Variants in ACACA observed in about 807,000 individuals in gnomAD.
ACACA encodes the protein acetyl-CoA carboxylase 1.
Under a neutral mutation model 296.1 loss-of-function variants are expected in ACACA, and 103 were observed. That is an observed-to-expected ratio of 0.35 (90% CI 0.30 to 0.41). ACACA has a LOEUF of 0.41. Among genes scored for constraint, ACACA ranks in the 10% least tolerant of loss-of-function variants. The probability of loss-of-function intolerance (pLI) is 1.00; values close to 1 mark genes in which losing one functional copy is unlikely to be tolerated. For missense variants in ACACA, 1,554 were observed against 2,989.7 expected (o/e 0.52, Z 11.20); for synonymous variants, 953 against 1,038.6 (o/e 0.92, Z 1.58).
chr17:37,393,649 C>T (rs1207114056), intron 1 of ACACA, among the ~76,000 whole-genome samples: 1 of 152,018 alleles, frequency 6.6e-6, no homozygotes, highest in Non-Finnish European at 1.5e-5. Flanking sequence ...TTGAGACCAG[C>T]CTGGACAACA....
intron 50 of ACACA, among the ~76,000 whole-genome samples, chr17:37,119,641 C>CAA (rs1555551192): frequency 1.4e-3 from 181 of 133,316 alleles, no homozygotes; most frequent in African/African-American, 5.0e-3. Context: ...CACACACACA[C>CAA]AATCAACCTA....
chr17:37,141,111 C>A, intron 45 of ACACA: 7 of 458,436 alleles, frequency 1.5e-5, no homozygotes, highest in South Asian at 9.0e-5. Flanking sequence ...ACATCTTGAA[C>A]CTGATGTGCT....
intron 1 of ACACA, among the ~76,000 whole-genome samples, chr17:37,381,948 A>G (rs1225186687): frequency 2.0e-5 from 3 of 152,060 alleles, no homozygotes; most frequent in Non-Finnish European, 4.4e-5. Context: ...ATATTCTACT[A>G]GCCCCCTATT....
intron 42 of ACACA, among the ~76,000 whole-genome samples, chr17:37,157,567 C>G (rs1365370751): frequency 7.4e-6 from 1 of 135,620 alleles, no homozygotes; most frequent in East Asian, 2.2e-4. Context: ...GCAGAGTCTC[C>G]TTCTGTCACC....
chr17:37,381,667 G>T (rs1179396278), intron 1 of ACACA, among the ~76,000 whole-genome samples: 2 of 120,170 alleles, frequency 1.7e-5, no homozygotes, highest in East Asian at 5.0e-4. Flanking sequence ...TCGCTCCGTT[G>T]CCCAGGCTGG....
intron 38 of ACACA, among the ~76,000 whole-genome samples, chr17:37,190,539 T>C (rs1362296633): frequency 6.6e-6 from 1 of 152,192 alleles, no homozygotes; most frequent in Non-Finnish European, 1.5e-5. Context: ...TTGTTTTTCT[T>C]CCTTAAATTA....
At chr17:37,268,725 C>CTCTATATATATATA (rs2081913259) in intron 10 of ACACA, among the ~76,000 whole-genome samples, 1 of 111,686 alleles carries the variant, frequency 9.0e-6, no homozygotes, top group Non-Finnish European at 1.7e-5. Flanking sequence ...ATCTATCTAT[C>CTCTATATATATATA]TATCTATCTA....
At chr17:37,349,749 G>A (rs1597674758) in intron 1 of ACACA, among the ~76,000 whole-genome samples, 1 of 150,714 alleles carries the variant, frequency 6.6e-6, no homozygotes, top group Non-Finnish European at 1.5e-5. Context: ...AATAGAGACA[G>A]GATTGCACCA....
intron 1 of ACACA, among the ~76,000 whole-genome samples, chr17:37,351,229 A>C (rs2048887198): frequency 1.3e-5 from 2 of 152,254 alleles, no homozygotes; most frequent in Admixed American, 6.5e-5. Flanking sequence ...TGGGAGGCCA[A>C]GACCGGAGGA....
chr17:37,122,240 T>C (rs2074562159), intron 49 of ACACA, among the ~76,000 whole-genome samples: 1 of 152,196 alleles, frequency 6.6e-6, no homozygotes, highest in Non-Finnish European at 1.5e-5. Flanking sequence ...CAAAGAGCCT[T>C]CAGTATTATC....
chr17:37,373,567 A>G (rs2049885735), intron 1 of ACACA, among the ~76,000 whole-genome samples: 2 of 151,760 alleles, frequency 1.3e-5, no homozygotes, highest in South Asian at 4.2e-4. Context: ...TAGAGTCTTT[A>G]AGTTACAAAA....
chr17:37,338,595 G>A (rs1000082053), intron 2 of ACACA, among the ~76,000 whole-genome samples: 4 of 150,982 alleles, frequency 2.6e-5, no homozygotes, highest in Admixed American at 6.6e-5. Flanking sequence ...GTGACAGAGC[G>A]AGACTCTGTC....
intron 1 of ACACA, among the ~76,000 whole-genome samples, chr17:37,356,439 C>T (rs942595274): frequency 5.3e-5 from 8 of 151,908 alleles, no homozygotes; most frequent in East Asian, 3.9e-4. Context: ...AGTACAGTGG[C>T]GCAATCTCAG....
Position 37,240,067 on chromosome 17 carries a change from G to T in ACACA, c.3121+409C>A, listed in dbSNP as rs567879946. On this transcript the variant is annotated intron_variant, in intron 24 of 55. Coordinates refer to ENST00000616317, the MANE Select transcript of ACACA (RefSeq NM_198834.3). ...AAAAAGTATTGGAAAACCTGAACTT[G>T]CTCTTCCTAGATGCCTCTGGTTCAA... Among the ~76,000 whole-genome samples the T allele has an allele frequency of 2.0e-5, 3 of 152,314 alleles. No individual in the cohort carries two copies. In the East Asian group the frequency reaches 5.8e-4, roughly 29 times the overall value.
chr17:37,319,222 C>T (rs1468464024), intron 3 of ACACA, among the ~76,000 whole-genome samples: 1 of 152,092 alleles, frequency 6.6e-6, no homozygotes, highest in East Asian at 1.9e-4. Context: ...GGATTGGATA[C>T]TTGCATGAAG....
intron 41 of ACACA, among the ~76,000 whole-genome samples, chr17:37,172,757 T>C (rs2076926302): frequency 6.6e-6 from 1 of 152,346 alleles, no homozygotes; most frequent in Admixed American, 6.5e-5. Context: ...TACATAATCA[T>C]ATGTATTTGA....
At chr17:37,160,155 A>G (rs372186265) in intron 42 of ACACA, among the ~76,000 whole-genome samples, 45 of 152,302 alleles carry the variant, frequency 3.0e-4, no homozygotes, top group African/African-American at 9.6e-4. Flanking sequence ...TGTAAAGGGA[A>G]GGAGGGGAGG....
intron 39 of ACACA, among the ~76,000 whole-genome samples, chr17:37,183,823 G>C (rs892382535): frequency 7.4e-6 from 1 of 135,482 alleles, no homozygotes; most frequent in Admixed American, 7.3e-5. Flanking sequence ...AGAAAGAAAA[G>C]AAAATGAGAA....
intron 3 of ACACA, among the ~76,000 whole-genome samples, chr17:37,287,002 G>A (rs1419014012): frequency 6.6e-6 from 1 of 152,068 alleles, no homozygotes; most frequent in East Asian, 1.9e-4. Flanking sequence ...TCTCGCTATT[G>A]AATGTTCTCT....
Sources: gnomAD v4.1 joint callset for allele counts (sites outside exome capture counted in the v4.1 genomes callset) on GRCh38, gnomAD v4.1.1 for gene constraint, MANE v1.5 for transcripts, NCBI Gene and HGNC (gene_info 2026-07-23, HGNC 2026-07-21) for gene names.